ZFP36L1: variants seen among roughly 807,000 people sequenced by gnomAD.
ZFP36L1 encodes the protein mRNA decay activator protein ZFP36L1.
A neutral mutation model predicts 16.7 loss-of-function variants in ZFP36L1; 4 were observed. The observed-to-expected ratio is 0.24, with a 90% CI of 0.12 to 0.55. The LOEUF (loss-of-function observed/expected upper bound fraction) is 0.55, where lower values mean the gene tolerates loss of function less well. ZFP36L1 is among the 20% of genes least tolerant of loss of function. ZFP36L1 has a pLI of 0.94. For synonymous variants in ZFP36L1, 220 were observed against 190.8 expected (o/e 1.15, Z -1.26); for missense variants, 311 against 449.2 (o/e 0.69, Z 2.78).
upstream of ZFP36L1, chr14:68,796,155 T>G: frequency 1.5e-6 from 2 of 1,366,470 alleles, no homozygotes; most frequent in Non-Finnish European, 2.0e-6. Flanking sequence ...CCCATTCGCC[T>G]GGAGCGCGTC....
chr14:68,789,601 C>T lies in ZFP36L1; in HGVS notation c.949G>A (p.Asp317Asn), dbSNP rs760170302. 1 of 1,613,702 alleles carries T rather than the reference C, an allele frequency of 6.2e-7. No homozygotes were observed. Among genetic ancestry groups the T allele is most frequent in the African/African-American group, 1.3e-5 (1 of 74,994 alleles). ...SSSSSSHSGS[D>N]SPTLDNSRRL... is the part of the protein sequence containing the mutation. The stretch of plus-strand genomic sequence containing the variant: ...CTTGAGTTGTCCAAGGTCGGGGAGT[C>T]TGAGCCACTGTGGCTGCTGCTGGAG... The change falls in exon 2 of 2, where the codon GAC (aspartate) becomes AAC (asparagine). Residue 317 changes from aspartate to asparagine, a missense_variant. Coordinates refer to ENST00000439696, the MANE Select transcript of ZFP36L1 (RefSeq NM_004926.4). This position sits in a 1 kb window ranked among gnomAD's most constrained non-coding sequence, Gnocchi z 4.5.
At chr14:68,794,755 A>G (rs2236262), upstream of ZFP36L1, 69,137 of 152,264 alleles carry the variant, frequency 0.45, 16,847 homozygotes, top group East Asian at 0.75. Flanking sequence ...TTAAAACTGC[A>G]TTTCTTATTT....
chr14:68,793,555 G>C (rs909203421), upstream of ZFP36L1: 4 of 985,872 alleles, frequency 4.1e-6, 1 homozygote, highest in South Asian at 1.4e-4. Flanking sequence ...CTTTTTGCCA[G>C]CGGGAGCTGA....
At chr14:68,790,662 G>C (rs1193581929) in intron 1 of ZFP36L1, among the ~76,000 whole-genome samples, 170 bp from the exon 2 acceptor site, 2 of 151,976 alleles carry the variant, frequency 1.3e-5, no homozygotes, top group Admixed American at 1.3e-4. Context: ...CATTCACCTG[G>C]GTTTATTTTG....
upstream of ZFP36L1, chr14:68,794,084 C>A (rs1322341325): frequency 2.0e-5 from 7 of 354,846 alleles, no homozygotes; most frequent in Non-Finnish European, 2.8e-5. Flanking sequence ...AAAAAGCCCA[C>A]CGAGCAACTC....
Position 68,792,884 on chromosome 14 carries a change from T to C in ZFP36L1, c.55A>G (p.Lys19Glu), listed in dbSNP as rs1248428103. ...GCAAATGCTCCGCCCCCCTTTACCT[T>C]GCATAAAACTTCGCTCAAGTCGAAG... Reference protein sequence around the residue: ...TIFDLSEVLCKGNKMLNYSAP... With the variant: ...TIFDLSEVLCEGNKMLNYSAP... Residue 19 changes from lysine (K) to glutamate (E), a missense_variant and splice_region_variant, in exon 1 of 2, where the codon AAG (lysine) becomes GAG (glutamate). By Grantham distance (56) the Lys-to-Glu change is moderately conservative. This residue lies in a region of ZFP36L1 where 137 missense variants were observed against 142.6 expected (regional missense o/e 0.96). Transcript: ENST00000439696. The C allele has an allele frequency of 1.1e-5, 18 of 1,614,056 alleles. No homozygotes were observed. The highest frequency in any genetic ancestry group is 1.4e-5 in the Non-Finnish European group (17 of 1,179,948).
chr14:68,796,180 G>A, upstream of ZFP36L1: 1 of 1,366,672 alleles, frequency 7.3e-7, no homozygotes, highest in South Asian at 1.1e-5. Context: ...CGTGGGGAGG[G>A]GCGGCCCAGG....
chr14:68,789,271 T>G lies in ZFP36L1; in HGVS notation c.*262A>C. The G allele has an allele frequency of 2.9e-5, 14 of 478,344 alleles. No individual in the cohort carries two copies. Among genetic ancestry groups the G allele is most frequent in the East Asian group, 7.0e-5 (2 of 28,568 alleles). 29.6% of individuals were successfully genotyped at this position (478,344 alleles called of 1,614,324 possible). On this transcript the variant is annotated 3_prime_UTR_variant, in exon 2 of 2. Transcript: ENST00000439696. The surrounding 1 kb of genome is among the most constrained non-coding windows in gnomAD (Gnocchi z 4.5). The stretch of plus-strand genomic sequence containing the variant: ...ACTGACAAAATATGGGACTTGTCTG[T>G]TATGCATGGTAAGTGGGCTATAAAA...
upstream of ZFP36L1, chr14:68,794,468 C>T (rs1164283143): frequency 2.0e-5 from 3 of 152,388 alleles, no homozygotes; most frequent in East Asian, 5.8e-4. Context: ...CCCCCTGCGC[C>T]TTGGCCCGAC....
In ZFP36L1 at chr14:68,790,262, C is replaced by T; in HGVS notation, c.288G>A (p.Glu96=). The change falls in exon 2 of 2, where the codon GAG becomes GAA. Residue 96 remains glutamate, a synonymous_variant. Coordinates refer to ENST00000439696, the MANE Select transcript of ZFP36L1 (RefSeq NM_004926.4). ...GCTGCTTCTGGGTGGGCAGCAGCCGCTCGCCCCCTTCCGAGAAGGAGCGGT... is the reference window on the plus strand; with the variant it reads ...GCTGCTTCTGGGTGGGCAGCAGCCGTTCGCCCCCTTCCGAGAAGGAGCGGT... ...FRDRSFSEGG[E]RLLPTQKQPG... 6.2e-7 allele frequency: 1 copy of T among 1,610,994 alleles called. No homozygotes were observed. The highest frequency in any genetic ancestry group is 8.5e-7 in the Non-Finnish European group (1 of 1,179,864).
At chr14:68,794,445 A>T (rs2236263), upstream of ZFP36L1, 104,317 of 152,212 alleles carry the variant, frequency 0.69, 35,883 homozygotes, top group East Asian at 0.78. Context: ...AAAGTTAACG[A>T]GTCCCCCACC....
chr14:68,792,364 T>C (rs1178799421), intron 1 of ZFP36L1, among the ~76,000 whole-genome samples: 3 of 152,276 alleles, frequency 2.0e-5, no homozygotes, highest in Admixed American at 6.5e-5. Flanking sequence ...CAACATCTTT[T>C]TGAATCACAA....
rs1008315301 is a variant in ZFP36L1 at position 68,790,040 on chromosome 14, C to A, written c.510G>T (p.Gly170=). 1.2e-6 allele frequency: 2 copies of A among 1,609,948 alleles called. No homozygotes were observed. The highest frequency in any genetic ancestry group is 1.7e-6 in the Non-Finnish European group (2 of 1,178,374). The change falls in exon 2 of 2, where the codon GGG becomes GGT. Residue 170 remains glycine (G), a synonymous_variant. Coordinates refer to ENST00000439696, the MANE Select transcript of ZFP36L1 (RefSeq NM_004926.4). ...TFHTIGFCPY[G]PRCHFIHNAE... ...CGTTGTGGATGAAGTGGCAGCGGGG[C>A]CCGTAGGGGCAAAAGCCGATGGTGT...
rs940304008 is a variant in ZFP36L1, at chr14:68,789,455, T to C, written c.*78A>G. The C allele has an allele frequency of 6.3e-7, 1 of 1,588,280 alleles. No homozygotes were observed. The highest frequency in any genetic ancestry group is 1.1e-5 in the South Asian group (1 of 88,774). ...AATGTAGGGCCTGTGGGGAATGGGA[T>C]GGGTAGGGAGAAGAGGGTATGGGAT... On this transcript the variant is annotated 3_prime_UTR_variant, in exon 2 of 2. Coordinates refer to ENST00000439696, the MANE Select transcript of ZFP36L1 (RefSeq NM_004926.4). The surrounding 1 kb of genome is among the most constrained non-coding windows in gnomAD (Gnocchi z 4.5).
chr14:68,793,905 CGGCGCTCTCCGGGTGTG>C, upstream of ZFP36L1: 1 of 348,670 alleles, frequency 2.9e-6, no homozygotes, highest in Non-Finnish European at 3.9e-6. Flanking sequence ...GCTTTGCAGC[CGGCGCTCTCCGGGTGTG>C]GGCGGGTGGG....
chr14:68,795,751 G>T (rs760457387), upstream of ZFP36L1: 13 of 532,618 alleles, frequency 2.4e-5, no homozygotes, highest in Non-Finnish European at 5.0e-5. Flanking sequence ...CCCAGAGCCT[G>T]TCTCTATAAT....
In ZFP36L1 at chr14:68,789,699, T is replaced by C. The variant is rs772219434; in HGVS notation, c.851A>G (p.Glu284Gly). Residue 284 changes from glutamate to glycine, a missense_variant, in exon 2 of 2, where the codon GAG (glutamate) becomes GGG (glycine). By Grantham distance (98) the Glu-to-Gly change is moderately conservative. This residue lies in a region of ZFP36L1 where 147 missense variants were observed against 192.0 expected (regional missense o/e 0.77). Transcript: ENST00000439696. The surrounding 1 kb of genome is among the most constrained non-coding windows in gnomAD (Gnocchi z 4.5). ...PTTFLFRPMS[E>G]SPHMFDSPPS... ...GGGAGAGTCAAACATGTGAGGGGACTCGGACATGGGCCGGAAGAGGAAGGT... is the reference window on the plus strand; with the variant it reads ...GGGAGAGTCAAACATGTGAGGGGACCCGGACATGGGCCGGAAGAGGAAGGT... 6.2e-7 allele frequency: 1 copy of C among 1,613,892 alleles called. No individual in the cohort carries two copies. Among genetic ancestry groups the C allele is most frequent in the Non-Finnish European group, 8.5e-7 (1 of 1,179,988 alleles).
intron 1 of ZFP36L1, chr14:68,790,894 A>G (rs985739025): frequency 1.8e-6 from 1 of 557,108 alleles, no homozygotes; most frequent in Non-Finnish European, 3.2e-6. Context: ...CGACAAAAAC[A>G]GGTAAACCTC....
chr14:68,791,387 G>A, intron 1 of ZFP36L1: 1 of 440,786 alleles, frequency 2.3e-6, no homozygotes, highest in Non-Finnish European at 4.0e-6. Context: ...GTGGGGATGG[G>A]GGCAGAGCCA....
Sources: gnomAD v4.1 joint callset for allele counts (sites outside exome capture counted in the v4.1 genomes callset) on GRCh38, gnomAD v4.1.1 for gene constraint, gnomAD v4.1.1 regional missense constraint, Gnocchi (gnomAD v3.1) non-coding constraint, MANE v1.5 for transcripts, NCBI Gene and HGNC (gene_info 2026-07-23, HGNC 2026-07-21) for gene names.